ZZEF1: variants seen among roughly 807,000 people sequenced by gnomAD.
The protein encoded by ZZEF1 is zinc finger ZZ-type and EF-hand domain-containing protein 1.
A neutral mutation model predicts 342.8 loss-of-function variants in ZZEF1; 157 were observed. That is an observed-to-expected ratio of 0.46 (90% CI 0.40 to 0.52). ZZEF1 has a LOEUF of 0.52. Ranked by LOEUF, ZZEF1 falls within the 20% of genes least tolerant of loss-of-function variation. The pLI is 0.00. For synonymous variants in ZZEF1, 1,505 were observed against 1,429.1 expected, an observed-to-expected ratio of 1.05 and a Z score of -1.20; for missense variants, 3,480 against 3,725.6, an observed-to-expected ratio of 0.93 and a Z score of 1.72.
At chr17:4,130,892 G>A (rs2058652914) in intron 1 of ZZEF1, among the ~76,000 whole-genome samples, 2 of 152,146 alleles carry the variant, frequency 1.3e-5, no homozygotes, top group Non-Finnish European at 2.9e-5. Context: ...CTTCCAGGGA[G>A]AAGAAACAGT....
intron 1 of ZZEF1, among the ~76,000 whole-genome samples, chr17:4,133,233 C>T (rs534395384): frequency 6.6e-6 from 1 of 152,160 alleles, no homozygotes; most frequent in East Asian, 1.9e-4. Context: ...TGCCAGGCAC[C>T]GAGCAGAGCA....
chr17:4,122,648 G>A (rs533698445), intron 2 of ZZEF1, among the ~76,000 whole-genome samples: 10 of 152,268 alleles, frequency 6.6e-5, no homozygotes, highest in African/African-American at 9.6e-5. Flanking sequence ...GCCTCCCCAA[G>A]TGCTGGGATT....
chr17:4,036,709 C>T lies in ZZEF1; in HGVS notation c.6307-2417G>A, dbSNP rs368735334. 2.3e-4 allele frequency among the ~76,000 whole-genome samples: 33 copies of T among 144,160 alleles called. 1 individual carries two copies. The East Asian group carries it at 4.1e-3, about 18-fold the overall frequency. 94.6% of individuals were successfully genotyped at this position (144,160 alleles called of 152,430 possible). A position where few individuals can be genotyped will look rare whatever the true frequency, so the allele number is the denominator to read the frequency against. ...TTGCACCACTGCACACCAGCCTGGG[C>T]GACAAGAGGGAAACTCCATCTTCAA... On this transcript the variant is annotated intron_variant, in intron 39 of 54. Transcript: ENST00000381638.
chr17:4,127,875 C>T (rs1013298670), intron 1 of ZZEF1, among the ~76,000 whole-genome samples: 2 of 152,186 alleles, frequency 1.3e-5, no homozygotes, highest in Admixed American at 6.5e-5. Context: ...CACCTATAGC[C>T]GCCAACACTG....
At chr17:4,024,527 C>T (rs1298136585) in intron 43 of ZZEF1, among the ~76,000 whole-genome samples, 1 of 152,138 alleles carries the variant, frequency 6.6e-6, no homozygotes, top group Admixed American at 6.5e-5. Context: ...TTGTCTACCT[C>T]CTTCCACTCC....
chr17:4,123,110 C>T lies in ZZEF1; in HGVS notation c.499+797G>A, dbSNP rs747083830. Reference sequence around the variant, plus strand: ...AATTTTTTTGTATTTTCAGTAGAGACGGGGTTTCACTGTGTTAGCCAGAAT... The same window carrying T: ...AATTTTTTTGTATTTTCAGTAGAGATGGGGTTTCACTGTGTTAGCCAGAAT... On this transcript the variant is annotated intron_variant, in intron 2 of 54. Transcript: ENST00000381638. 3.8e-3 allele frequency among the ~76,000 whole-genome samples: 570 copies of T among 150,874 alleles called. 2 individuals carry two copies. The highest frequency in any genetic ancestry group is 5.4e-3 in the Non-Finnish European group (364 of 67,562).
chr17:4,127,588 A>T (rs2058591928), intron 1 of ZZEF1, among the ~76,000 whole-genome samples: 1 of 151,200 alleles, frequency 6.6e-6, no homozygotes, highest in African/African-American at 2.4e-5. Flanking sequence ...CTTTCCTATT[A>T]AAAAAAAAGC....
intron 1 of ZZEF1, among the ~76,000 whole-genome samples, chr17:4,131,484 T>C (rs950657756): frequency 1.1e-4 from 3 of 27,020 alleles, no homozygotes; most frequent in Non-Finnish European, 5.3e-4. Context: ...AAAAGATGTA[T>C]AAGAAAAAAA....
At position 4,076,940 on chromosome 17, in the gene ZZEF1, G is replaced by A. The variant is rs140403752; in HGVS notation, c.3039C>T (p.Phe1013=). Residue 1013 remains phenylalanine (F), a synonymous_variant, in exon 20 of 55, where the codon TTC becomes TTT. Coordinates refer to ENST00000381638, the MANE Select transcript of ZZEF1 (RefSeq NM_015113.4). ...ASMRAILESL[F]SQYSGKTIVE... Reference sequence around the variant, plus strand: ...CTATGGTTTTTCCACTGTACTGTGAGAAAAGGGATTCCAAAATCGCTCTCA... The same window carrying A: ...CTATGGTTTTTCCACTGTACTGTGAAAAAAGGGATTCCAAAATCGCTCTCA... The A allele has an allele frequency of 1.2e-6, 2 of 1,614,080 alleles. No individual in the cohort carries two copies. Among genetic ancestry groups the A allele is most frequent in the Non-Finnish European group, 1.7e-6 (2 of 1,179,972 alleles).
chr17:4,082,386 A>G lies in ZZEF1; in HGVS notation c.2714+51T>C, dbSNP rs372769828. 4 of 1,587,266 alleles carry G rather than the reference A, an allele frequency of 2.5e-6. No homozygotes were observed. In the African/African-American group the frequency reaches 5.4e-5, roughly 21 times the overall value. On this transcript the variant is annotated intron_variant, in intron 17 of 54. Coordinates refer to ENST00000381638, the MANE Select transcript of ZZEF1 (RefSeq NM_015113.4). ...AAGGAAGGGCAAGCTCAAGAAAACA[A>G]CTTTGCAAAGATTTGAGTTATCCGA...
intron 37 of ZZEF1, among the ~76,000 whole-genome samples, chr17:4,048,852 C>A (rs895516771): frequency 6.6e-6 from 1 of 151,084 alleles, no homozygotes; most frequent in Non-Finnish European, 1.5e-5. Flanking sequence ...GGACTACAGG[C>A]ACGTGACACC....
chr17:4,053,164 T>C (rs1042976731), intron 34 of ZZEF1, among the ~76,000 whole-genome samples: 4 of 152,240 alleles, frequency 2.6e-5, no homozygotes, highest in African/African-American at 9.6e-5. Context: ...GCTCTCATCA[T>C]GTTATTAATA....
At chr17:4,127,759 T>C (rs563605567) in intron 1 of ZZEF1, among the ~76,000 whole-genome samples, 1 of 152,204 alleles carries the variant, frequency 6.6e-6, no homozygotes, top group East Asian at 1.9e-4. Flanking sequence ...GACTCAATCT[T>C]CCCCCAGGTT....
chr17:4,081,273 T>C, intron 18 of ZZEF1, 103 bp downstream of exon 18: 2 of 929,758 alleles, frequency 2.2e-6, no homozygotes, highest in Non-Finnish European at 3.4e-6. Context: ...CACAACAAAG[T>C]ACATTCATAC....
At chr17:4,011,915 C>T (rs944860863) in intron 52 of ZZEF1, among the ~76,000 whole-genome samples, 1 of 152,166 alleles carries the variant, frequency 6.6e-6, no homozygotes, top group Non-Finnish European at 1.5e-5. Flanking sequence ...GAGGACTGCC[C>T]CTTGTGTGTG....
intron 49 of ZZEF1, among the ~76,000 whole-genome samples, chr17:4,015,539 T>C (rs1309305113): frequency 1.3e-5 from 2 of 152,092 alleles, no homozygotes; most frequent in African/African-American, 4.8e-5. Context: ...CCAAGGCGGG[T>C]GGATCACCTG....
At chr17:4,105,943 T>A (rs1053935554) in intron 6 of ZZEF1, 134 bp from the exon 7 acceptor site, 2 of 664,974 alleles carry the variant, frequency 3.0e-6, no homozygotes, top group Non-Finnish European at 4.9e-6. Context: ...TGGCACACAA[T>A]ATAAACTGGC....
chr17:4,118,220 G>C (rs915318470), intron 2 of ZZEF1, among the ~76,000 whole-genome samples: 22 of 152,100 alleles, frequency 1.4e-4, no homozygotes, highest in African/African-American at 5.3e-4. Flanking sequence ...ACTTTCATTC[G>C]ATGATGGAAT....
intron 16 of ZZEF1, among the ~76,000 whole-genome samples, chr17:4,083,790 A>C (rs556711881): frequency 6.6e-6 from 1 of 152,232 alleles, no homozygotes; most frequent in East Asian, 1.9e-4. Flanking sequence ...GGCATGTGCC[A>C]CCACGCCCGG....
Sources: allele counts gnomAD v4.1 joint callset (sites outside exome capture counted in the v4.1 genomes callset), GRCh38; gene constraint gnomAD v4.1.1; transcripts MANE v1.5; gene names NCBI Gene and HGNC (gene_info 2026-07-23, HGNC 2026-07-21).